Variants in NELL2 observed in about 807,000 individuals in gnomAD.
NELL2 encodes neural EGFL like 2.
A neutral mutation model predicts 109.6 loss-of-function variants in NELL2; 41 were observed. That is an observed-to-expected ratio of 0.37 (90% CI 0.29 to 0.49). The LOEUF is 0.49. Among genes scored for constraint, NELL2 ranks in the 20% least tolerant of loss-of-function variants. The pLI is 0.98. For synonymous variants in NELL2, 355 were observed against 344.7 expected (o/e 1.03, Z -0.33); for missense variants, 900 against 1,008.3 (o/e 0.89, Z 1.45).
intron 19 of NELL2, 81 bp from the exon 20 acceptor site, chr12:44,509,065 TACAA>T (rs1396593945): frequency 8.6e-7 from 1 of 1,168,432 alleles, no homozygotes; most frequent in African/African-American, 1.5e-5. Flanking sequence ...GATTGGTACT[TACAA>T]ACAAAACTGT....
chr12:44,519,223 T>C (rs2138976973), intron 19 of NELL2, among the ~76,000 whole-genome samples: 1 of 152,350 alleles, frequency 6.6e-6, no homozygotes, highest in South Asian at 2.1e-4. Flanking sequence ...TGTTAAGCCT[T>C]CAGGTTATTT....
chr12:44,712,900 G>A (rs138331074), intron 10 of NELL2, among the ~76,000 whole-genome samples: 3 of 151,728 alleles, frequency 2.0e-5, no homozygotes, highest in East Asian at 1.9e-4. Context: ...TAAAAATTAC[G>A]TTTGTGGCTT....
At position 44,875,218 on chromosome 12, in the gene NELL2, G is replaced by T. The variant is rs776747666; in HGVS notation, c.184+7C>A. On this transcript the variant is annotated splice_region_variant and intron_variant, in intron 2 of 19. Transcript: ENST00000429094. Reference sequence around the variant, plus strand: ...ATCACAGTGGGGATGCAGCACGCCGGGCATACCTTGAAAGAGAAAGGCTTT... The same window carrying T: ...ATCACAGTGGGGATGCAGCACGCCGTGCATACCTTGAAAGAGAAAGGCTTT... The T allele has an allele frequency of 1.1e-5, 18 of 1,608,074 alleles. No homozygotes were observed. The highest frequency in any genetic ancestry group is 6.7e-5 in the Admixed American group (4 of 59,684).
chr12:44,719,430 A>C (rs543791400), intron 9 of NELL2, among the ~76,000 whole-genome samples: 50 of 152,132 alleles, frequency 3.3e-4, no homozygotes, highest in Non-Finnish European at 1.0e-4. Context: ...TACAAGCAAA[A>C]GGGCATCATA....
In NELL2 at chr12:44,818,468, G is replaced by A. The variant is rs150358209; in HGVS notation, c.185-2332C>T. On this transcript the variant is annotated intron_variant, in intron 2 of 19. Transcript: ENST00000429094. ...AAAGGATTACAGTGAATACACAAAT[G>A]ATGCTCAGATCCGCAGAGAGGTTCA... Among the ~76,000 whole-genome samples, 132 of 152,294 alleles carry A rather than the reference G, an allele frequency of 8.7e-4. 1 individual carries two copies. Among genetic ancestry groups the A allele is most frequent in the Admixed American group, 4.0e-3 (61 of 15,290 alleles).
intron 1 of NELL2, among the ~76,000 whole-genome samples, chr12:44,898,329 G>A (rs1374506679): frequency 6.6e-6 from 1 of 152,196 alleles, no homozygotes; most frequent in African/African-American, 2.4e-5. Context: ...CCCAGCAGGG[G>A]TCGACAGACA....
chr12:44,577,975 A>G (rs774231754), intron 15 of NELL2, among the ~76,000 whole-genome samples: 27 of 152,120 alleles, frequency 1.8e-4, no homozygotes, highest in Non-Finnish European at 3.4e-4. Flanking sequence ...TGCTATAGTA[A>G]TTTGTGTATT....
At chr12:44,739,762 G>T (rs533292765) in intron 9 of NELL2, among the ~76,000 whole-genome samples, 4 of 151,990 alleles carry the variant, frequency 2.6e-5, no homozygotes, top group Non-Finnish European at 5.9e-5. Flanking sequence ...GTGGTGGCAG[G>T]CACCTGTAAT....
upstream of NELL2, among the ~76,000 whole-genome samples, chr12:44,879,098 C>T (rs966713070): frequency 1.2e-4 from 18 of 152,024 alleles, no homozygotes; most frequent in African/African-American, 4.8e-5. Context: ...GAGAAGAACT[C>T]GACTTCCTGT....
chr12:44,512,851 T>A (rs551166473), intron 19 of NELL2, among the ~76,000 whole-genome samples: 1 of 151,964 alleles, frequency 6.6e-6, no homozygotes, highest in African/African-American at 2.4e-5. Flanking sequence ...GGTTAAAGTA[T>A]ACAAAATTAC....
rs1256905522 is a variant in NELL2 at position 44,508,626 on chromosome 12, T to C, written c.*308A>G. 1 of 224,080 alleles carries C rather than the reference T, an allele frequency of 4.5e-6. No individual in the cohort carries two copies. The highest frequency in any genetic ancestry group is 8.7e-6 in the Non-Finnish European group (1 of 115,130). 13.9% of individuals were successfully genotyped at this position (224,080 alleles called of 1,614,324 possible). A position where few individuals can be genotyped will look rare whatever the true frequency, so the allele number is the denominator to read the frequency against. ...TTCTGCACCAGTGAAGCTAGAGGCT[T>C]TCACAGATCCAATGGGCTCAGGCTT... On this transcript the variant is annotated 3_prime_UTR_variant, in exon 20 of 20. Transcript: ENST00000429094.
intron 15 of NELL2, among the ~76,000 whole-genome samples, chr12:44,542,652 A>G (rs1592093273): frequency 6.6e-6 from 1 of 152,200 alleles, no homozygotes; most frequent in East Asian, 1.9e-4. Flanking sequence ...ACACAAAAGA[A>G]ACACAGAGAA....
At chr12:44,538,874 C>T (rs1942413712) in intron 15 of NELL2, among the ~76,000 whole-genome samples, 1 of 152,112 alleles carries the variant, frequency 6.6e-6, no homozygotes, top group Admixed American at 6.6e-5. Flanking sequence ...TCTGATTTTT[C>T]TTTTGGTTAC....
chr12:44,632,770 A>T (rs565661917), intron 13 of NELL2, among the ~76,000 whole-genome samples: 1 of 152,252 alleles, frequency 6.6e-6, no homozygotes, highest in Non-Finnish European at 1.5e-5. Context: ...TTATCTGTGG[A>T]AGAGATACCC....
At chr12:44,713,903 A>T (rs1254911117) in intron 10 of NELL2, among the ~76,000 whole-genome samples, 2 of 151,922 alleles carry the variant, frequency 1.3e-5, no homozygotes, top group Non-Finnish European at 2.9e-5. Flanking sequence ...TTCCCAAACC[A>T]TGTATAGGAG....
At chr12:44,777,888 T>C (rs1339968268) in intron 5 of NELL2, among the ~76,000 whole-genome samples, 1 of 152,180 alleles carries the variant, frequency 6.6e-6, no homozygotes, top group Non-Finnish European at 1.5e-5. Flanking sequence ...AAAATGAAAA[T>C]TTTTTAAATG....
At chr12:44,587,892 C>A (rs1376368756) in intron 15 of NELL2, among the ~76,000 whole-genome samples, 1 of 152,126 alleles carries the variant, frequency 6.6e-6, no homozygotes, top group Non-Finnish European at 1.5e-5. Context: ...TGGCTCACAC[C>A]TGTAATCCCA....
At chr12:44,823,469 G>A (rs1336497741) in intron 2 of NELL2, among the ~76,000 whole-genome samples, 3 of 151,546 alleles carry the variant, frequency 2.0e-5, no homozygotes, top group Non-Finnish European at 2.9e-5. Context: ...TAAATTCCAC[G>A]TACAATGAGA....
chr12:44,686,052 C>T (rs1012405187), intron 12 of NELL2, among the ~76,000 whole-genome samples: 2 of 152,202 alleles, frequency 1.3e-5, no homozygotes, highest in African/African-American at 4.8e-5. Flanking sequence ...TTCAGGTACA[C>T]CAATCAGACA....
Sources: allele counts gnomAD v4.1 joint callset (sites outside exome capture counted in the v4.1 genomes callset), GRCh38; gene constraint gnomAD v4.1.1; transcripts MANE v1.5; gene names NCBI Gene and HGNC (gene_info 2026-07-23, HGNC 2026-07-21).